The following SPEF2 variants were observed in gnomAD, a reference collection of about 807,000 sequenced individuals.
SPEF2 encodes sperm flagella and cilia-associated protein 2.
SPEF2 carries 187 observed loss-of-function variants against 224.6 expected under a neutral mutation model. That is an observed-to-expected ratio of 0.83 (90% CI 0.74 to 0.94). SPEF2 has a LOEUF of 0.94. Ranked by LOEUF, SPEF2 falls within the 40% of genes least tolerant of loss-of-function variation. The pLI is 0.00. For missense variants in SPEF2, 2,170 were observed against 2,135.6 expected (o/e 1.02, Z -0.32); for synonymous variants, 715 against 707.3 (o/e 1.01, Z -0.17).
intron 20 of SPEF2, among the ~76,000 whole-genome samples, chr5:35,726,177 G>T (rs1195697661): frequency 6.6e-6 from 1 of 152,138 alleles, no homozygotes; most frequent in Non-Finnish European, 1.5e-5. Flanking sequence ...CACAAAAGTT[G>T]TATGGAATCA....
rs955965126 is a variant in SPEF2 at position 35,691,071 on chromosome 5, T to A, written c.1559T>A (p.Met520Lys). 2 of 1,614,060 alleles carry A rather than the reference T, an allele frequency of 1.2e-6. No individual in the cohort carries two copies. The highest frequency in any genetic ancestry group is 3.3e-5 in the Admixed American group (2 of 60,006). The change falls in exon 11 of 37, where the codon ATG becomes AAG. Residue 520 changes from methionine (M) to lysine (K), a missense_variant. Physicochemically the swap from Met to Lys is moderately conservative, Grantham distance 95. Coordinates refer to ENST00000356031, the MANE Select transcript of SPEF2 (RefSeq NM_024867.4). ...GGAGAGTGGGCCTTACCAGAAGAAA[T>A]GGTTGACAATTTACCACCCTCCAAC... ...MVGEWALPEE[M>K]VDNLPPSNNC...
chr5:35,730,169 G>T (rs1404252746), intron 21 of SPEF2, among the ~76,000 whole-genome samples: 1 of 152,228 alleles, frequency 6.6e-6, no homozygotes. Context: ...ATGGGAGAGA[G>T]ATTGAAAAGA....
intron 11 of SPEF2, 111 bp from the exon 12 acceptor site, chr5:35,692,459 T>C: frequency 1.3e-6 from 1 of 740,838 alleles, no homozygotes; most frequent in South Asian, 2.4e-5. Flanking sequence ...TCCAAAAGAC[T>C]GTTCTAGCGG....
chr5:35,795,839 T>C lies in SPEF2; in HGVS notation c.4830+44T>C, dbSNP rs546974086. 154 of 1,500,148 alleles carry C rather than the reference T, an allele frequency of 1.0e-4. 3 individuals carry two copies. The South Asian group carries it at 1.4e-3, about 14-fold the overall frequency. 92.9% of individuals were successfully genotyped at this position (1,500,148 alleles called of 1,614,324 possible). On this transcript the variant is annotated intron_variant, in intron 33 of 36. Coordinates refer to ENST00000356031, the MANE Select transcript of SPEF2 (RefSeq NM_024867.4). ...AAAACATGTGGCATTATAGCACTAA[T>C]CATTTTCTTTGTGTTTTCTTCCACT...
Position 35,696,999 on chromosome 5 carries a change from G to C in SPEF2, c.2038-691G>C, listed in dbSNP as rs563118166. Among the ~76,000 whole-genome samples, 18 of 152,258 alleles carry C rather than the reference G, an allele frequency of 1.2e-4. No individual in the cohort carries two copies. The East Asian group carries it at 3.5e-3, about 29-fold the overall frequency. On this transcript the variant is annotated intron_variant, in intron 14 of 36. Transcript: ENST00000356031. ...GAGGTTAGAGACATGGGTGAGAAAG[G>C]AAAAGAATCAGGTCAGTCAGGGCCT...
At chr5:35,736,932 C>A in intron 21 of SPEF2, among the ~76,000 whole-genome samples, 1 of 148,060 alleles carries the variant, frequency 6.8e-6, no homozygotes, top group Admixed American at 6.7e-5. Flanking sequence ...TAAAAAAAAA[C>A]ACTGTTGCCA....
chr5:35,642,235 T>G (rs959275250), intron 3 of SPEF2, among the ~76,000 whole-genome samples: 1 of 152,220 alleles, frequency 6.6e-6, no homozygotes, highest in African/African-American at 2.4e-5. Flanking sequence ...TATTTTTACT[T>G]CTTTCTAGTC....
intron 23 of SPEF2, among the ~76,000 whole-genome samples, chr5:35,744,276 A>C (rs1748123548): frequency 6.6e-6 from 1 of 152,336 alleles, no homozygotes; most frequent in Non-Finnish European, 1.5e-5. Flanking sequence ...ATTAATAGTT[A>C]TGAATCTCTC....
At chr5:35,745,218 C>G (rs1748301962) in intron 23 of SPEF2, among the ~76,000 whole-genome samples, 1 of 152,120 alleles carries the variant, frequency 6.6e-6, no homozygotes, top group Non-Finnish European at 1.5e-5. Flanking sequence ...TCACAGGGTT[C>G]CATTGGGAGG....
intron 21 of SPEF2, among the ~76,000 whole-genome samples, chr5:35,732,860 GCC>G (rs1417015503): frequency 3.3e-5 from 5 of 152,068 alleles, no homozygotes; most frequent in Admixed American, 6.6e-5. Context: ...GAAAGAAAGA[GCC>G]TACAATCACA....
chr5:35,798,597 T>C (rs1561382695), intron 33 of SPEF2, among the ~76,000 whole-genome samples: 1 of 152,268 alleles, frequency 6.6e-6, no homozygotes, highest in Non-Finnish European at 1.5e-5. Flanking sequence ...CTACATAGTT[T>C]ACCTATTTTA....
chr5:35,717,628 C>T (rs7705656), intron 20 of SPEF2, among the ~76,000 whole-genome samples: 112,356 of 151,610 alleles, frequency 0.74, 42,119 homozygotes, highest in Middle Eastern at 0.83. Context: ...AAGAGGAAAA[C>T]GGACTCTCGC....
At chr5:35,774,225 G>A (rs1753284059) in intron 28 of SPEF2, among the ~76,000 whole-genome samples, 1 of 152,112 alleles carries the variant, frequency 6.6e-6, no homozygotes, top group African/African-American at 2.4e-5. Flanking sequence ...AGATGTTTTG[G>A]CATCACCTAA....
chr5:35,800,278 T>C (rs1047316350), intron 34 of SPEF2, 131 bp downstream of exon 34: 2 of 946,210 alleles, frequency 2.1e-6, no homozygotes, highest in South Asian at 4.2e-5. Context: ...GCTTTACACA[T>C]ACTAGGTCTT....
At chr5:35,771,511 G>C in intron 26 of SPEF2, 98 bp from the exon 27 acceptor site, 1 of 1,446,390 alleles carries the variant, frequency 6.9e-7, no homozygotes, top group Non-Finnish European at 9.2e-7. Context: ...GTTTACAGTG[G>C]ATTAAGGTTT....
At position 35,646,775 on chromosome 5, in the gene SPEF2, CA is replaced by C. The variant is rs528892977; in HGVS notation, c.700del (p.Met234Ter). 1 of 1,613,168 alleles carries C rather than the reference CA, an allele frequency of 6.2e-7. No individual in the cohort carries two copies. The highest frequency in any genetic ancestry group is 8.5e-7 in the Non-Finnish European group (1 of 1,179,682). On this transcript the variant is annotated frameshift_variant, in exon 5 of 37. Transcript: ENST00000356031. LOFTEE classifies it high-confidence loss of function. ...TCGTACTTTGAAAGCACTCGAGGCCCAAAAAATGATGAAAAAGAAAAAAGAG... is the reference window on the plus strand; with the variant it reads ...TCGTACTTTGAAAGCACTCGAGGCCCAAAAATGATGAAAAAGAAAAAAGAG... ...SNRTLKALEA[Q>X]KMMKKKKEAE... is the part of the protein sequence containing the mutation.
chr5:35,811,814 G>A (rs1758553435), intron 36 of SPEF2, among the ~76,000 whole-genome samples: 1 of 137,314 alleles, frequency 7.3e-6, no homozygotes, highest in African/African-American at 2.9e-5. Flanking sequence ...CTGTTGCTCA[G>A]GCTGGAGGGT....
At chr5:35,743,691 C>CTT (rs5867286) in intron 23 of SPEF2, among the ~76,000 whole-genome samples, 40 of 150,030 alleles carry the variant, frequency 2.7e-4, no homozygotes, top group East Asian at 2.2e-3. Flanking sequence ...CACTCTATTC[C>CTT]TTTTTTTTTT....
chr5:35,727,239 TTCTC>T (rs1380062205), intron 20 of SPEF2, among the ~76,000 whole-genome samples: 1 of 152,164 alleles, frequency 6.6e-6, no homozygotes, highest in African/African-American at 2.4e-5. Context: ...ACATCCTCCT[TTCTC>T]TCTGCCCTCT....
Sources: allele counts gnomAD v4.1 joint callset (sites outside exome capture counted in the v4.1 genomes callset), GRCh38; gene constraint gnomAD v4.1.1; transcripts MANE v1.5; gene names NCBI Gene and HGNC (gene_info 2026-07-23, HGNC 2026-07-21).